The following SLC37A1 variants were observed in gnomAD, a reference collection of about 807,000 sequenced individuals.
SLC37A1 encodes solute carrier family 37 member 1.
SLC37A1 carries 49 observed loss-of-function variants against 75.3 expected under a neutral mutation model. The ratio of observed to expected loss-of-function variants is 0.65; its 90% CI spans 0.52 to 0.83. The LOEUF (loss-of-function observed/expected upper bound fraction) is 0.83. Ranked by LOEUF, SLC37A1 falls within the 40% of genes least tolerant of loss-of-function variation. SLC37A1 has a pLI of 0.00. For synonymous variants in SLC37A1, 268 were observed against 292.1 expected (o/e 0.92, Z 0.84); for missense variants, 566 against 695.0 (o/e 0.81, Z 2.09).
At position 42,535,516 on chromosome 21, in the gene SLC37A1, T is replaced by C. The variant is rs771940290; in HGVS notation, c.316T>C (p.Phe106Leu). 10 of 1,614,228 alleles carry C rather than the reference T, an allele frequency of 6.2e-6. No individual in the cohort carries two copies. Among genetic ancestry groups the C allele is most frequent in the South Asian group, 1.1e-5 (1 of 91,088 alleles). ...GCTGCTTGGGGCCCTGGACTACTCC[T>C]TCCTGTGCGCCTATGCCGTGGGGAT... is the stretch of plus-strand genomic sequence containing the variant. ...QQLLGALDYSFLCAYAVGMYL... is the reference protein window; with the variant it reads ...QQLLGALDYSLLCAYAVGMYL... Residue 106 changes from phenylalanine to leucine, a missense_variant, in exon 5 of 20, where the codon TTC (phenylalanine) becomes CTC (leucine). Physicochemically the swap from Phe to Leu is conservative, Grantham distance 22. Coordinates refer to ENST00000352133, the MANE Select transcript of SLC37A1 (RefSeq NM_001320537.2).
chr21:42,573,281 G>A (rs1007278921), intron 17 of SLC37A1, among the ~76,000 whole-genome samples: 2 of 152,278 alleles, frequency 1.3e-5, no homozygotes, highest in Middle Eastern at 3.4e-3. Flanking sequence ...CTCAACCCAT[G>A]CACCTTTTTT....
In SLC37A1 at chr21:42,563,895, T is replaced by C. The variant is rs2055900796; in HGVS notation, c.1135+18T>C. The C allele has an allele frequency of 6.2e-7, 1 of 1,613,988 alleles. No homozygotes were observed. Among genetic ancestry groups the C allele is most frequent in the East Asian group, 2.2e-5 (1 of 44,874 alleles). On this transcript the variant is annotated intron_variant, in intron 13 of 19. Transcript: ENST00000352133. Reference sequence around the variant, plus strand: ...AATCTTTGGTGAGTTCATTAAGACTTGTTCTGCTGCAACAATAATTTCGCA... The same window carrying C: ...AATCTTTGGTGAGTTCATTAAGACTCGTTCTGCTGCAACAATAATTTCGCA...
At chr21:42,564,888 C>A in intron 14 of SLC37A1, 95 bp downstream of exon 14, 2 of 1,215,646 alleles carry the variant, frequency 1.6e-6, no homozygotes, top group Non-Finnish European at 2.3e-6. Context: ...GCCCGTGCTC[C>A]ACTTTCCTGA....
chr21:42,517,359 G>C (rs1296845382), intron 1 of SLC37A1, among the ~76,000 whole-genome samples: 4 of 152,214 alleles, frequency 2.6e-5, no homozygotes, highest in Admixed American at 6.5e-5. Flanking sequence ...GGCCCTGTAG[G>C]ACCTAGGAGA....
At chr21:42,511,909 C>T (rs2054437041), upstream of SLC37A1, among the ~76,000 whole-genome samples, 1 of 151,990 alleles carries the variant, frequency 6.6e-6, no homozygotes, top group Non-Finnish European at 1.5e-5. Context: ...TTACCAGGGG[C>T]AGTAGGTGGG....
chr21:42,508,160 G>T (rs189950549), intron 2 of SLC37A1, among the ~76,000 whole-genome samples: 3 of 126,486 alleles, frequency 2.4e-5, no homozygotes, highest in African/African-American at 3.1e-5. Context: ...GCGGAGTCTC[G>T]CTCTGTTGCC....
intron 10 of SLC37A1, among the ~76,000 whole-genome samples, chr21:42,558,426 T>C (rs1203181653): frequency 6.6e-6 from 1 of 152,258 alleles, no homozygotes; most frequent in Non-Finnish European, 1.5e-5. Flanking sequence ...CACCACTCGC[T>C]GACAACCATT....
At chr21:42,568,574 A>C (rs1229426309) in intron 17 of SLC37A1, 136 bp downstream of exon 17, 1 of 828,828 alleles carries the variant, frequency 1.2e-6, no homozygotes, top group Non-Finnish European at 2.0e-6. Flanking sequence ...ATACGAGCAG[A>C]TGAGCAGGGG....
chr21:42,543,576 T>C lies in SLC37A1; in HGVS notation c.704T>C (p.Ile235Thr). The C allele has an allele frequency of 6.2e-7, 1 of 1,610,248 alleles. No individual in the cohort carries two copies. The highest frequency in any genetic ancestry group is 8.5e-7 in the Non-Finnish European group (1 of 1,177,956). ...VPGAIVAAMG[I>T]VCFLFLIEHP... ...GGAGCCATCGTGGCAGCCATGGGGATAGTGTGCTTTCTCTTCCTCATTGAA... is the reference window on the plus strand; with the variant it reads ...GGAGCCATCGTGGCAGCCATGGGGACAGTGTGCTTTCTCTTCCTCATTGAA... Residue 235 changes from isoleucine to threonine, a missense_variant, in exon 8 of 20, where the codon ATA (isoleucine) becomes ACA (threonine). Transcript: ENST00000352133.
At chr21:42,565,708 TC>T in intron 14 of SLC37A1, 118 bp from the exon 15 acceptor site, 1 of 876,584 alleles carries the variant, frequency 1.1e-6, no homozygotes. Flanking sequence ...TTTAGGGGTT[TC>T]CACTCTTGGG....
intron 17 of SLC37A1, among the ~76,000 whole-genome samples, chr21:42,573,067 G>A (rs2056224361): frequency 1.3e-5 from 2 of 152,274 alleles, no homozygotes; most frequent in African/African-American, 4.8e-5. Context: ...AAGCTTGGTG[G>A]AAGCTGGTGT....
Position 42,543,641 on chromosome 21 carries a change from G to A in SLC37A1, c.730+39G>A, listed in dbSNP as rs750655483. ...GCCTTGGAGACCACCCACCAAGGGA[G>A]GCCTCGGATTTCCCTGCCTGGGTGG... On this transcript the variant is annotated intron_variant, in intron 8 of 19. Coordinates refer to ENST00000352133, the MANE Select transcript of SLC37A1 (RefSeq NM_001320537.2). The A allele has an allele frequency of 1.5e-5, 23 of 1,544,854 alleles. No individual in the cohort carries two copies. The East Asian group carries it at 4.4e-4, about 29-fold the overall frequency.
chr21:42,572,695 T>TAAAAAAAAAAAAAAAAAAAAAA (rs1421400961), intron 17 of SLC37A1, among the ~76,000 whole-genome samples: 3 of 132,270 alleles, frequency 2.3e-5, no homozygotes, highest in Non-Finnish European at 4.9e-5. Flanking sequence ...AAAAAAAGAG[T>TAAAAAAAAAAAAAAAAAAAAAA]GTGTCCTGAG....
chr21:42,574,527 A>C (rs2056263910), intron 17 of SLC37A1, among the ~76,000 whole-genome samples: 1 of 152,184 alleles, frequency 6.6e-6, no homozygotes, highest in Admixed American at 6.5e-5. Context: ...CTGGTTGAGC[A>C]TCTCAAATCC....
At chr21:42,575,820 A>G in intron 18 of SLC37A1, 1 of 985,384 alleles carries the variant, frequency 1.0e-6, no homozygotes. Context: ...ACCGACTCTC[A>G]ACCTATGAAC....
chr21:42,554,975 GTTGGTTGT>G (rs1156533604), intron 10 of SLC37A1, among the ~76,000 whole-genome samples: 1 of 134,292 alleles, frequency 7.4e-6, no homozygotes, highest in Admixed American at 7.2e-5. Context: ...TGTTTGGTTG[GTTGGTTGT>G]TTTTTTTTTT....
At position 42,579,647 on chromosome 21, in the gene SLC37A1, C is replaced by T. The variant is rs1230832459; in HGVS notation, c.1522-89C>T. 4 of 1,298,626 alleles carry T rather than the reference C, an allele frequency of 3.1e-6. No homozygotes were observed. The East Asian group carries it at 7.6e-5, about 25-fold the overall frequency. The allele number at this position is 1,298,626 out of a possible 1,614,324, so 80.4% of individuals were successfully genotyped here. A position where few individuals can be genotyped will look rare whatever the true frequency, so the allele number is the denominator to read the frequency against. ...TGGGGAGAGAGCCACCCGCCCAGGC[C>T]TTGCGGGCCAGGTCCTCATGGTGCC... On this transcript the variant is annotated intron_variant, in intron 18 of 19. Transcript: ENST00000352133.
chr21:42,539,518 C>T lies in SLC37A1; in HGVS notation c.357C>T (p.Ile119=). The T allele has an allele frequency of 6.2e-7, 1 of 1,612,382 alleles. No homozygotes were observed. The change falls in exon 6 of 20, where the codon ATC becomes ATT. Residue 119 remains isoleucine, a synonymous_variant. Transcript: ENST00000352133. ...AYAVGMYLSG[I]IGERLPIRYY... ...TTCCTTCTCTCCACCTCAGTGGCAT[C>T]ATTGGGGAGCGCCTGCCGATTAGGT...
At chr21:42,525,382 C>G (rs1189326673) in intron 2 of SLC37A1, among the ~76,000 whole-genome samples, 1 of 152,194 alleles carries the variant, frequency 6.6e-6, no homozygotes, top group Non-Finnish European at 1.5e-5. Flanking sequence ...CGGAGCCCCG[C>G]CCTGTGGGGG....
Sources: allele counts gnomAD v4.1 joint callset (sites outside exome capture counted in the v4.1 genomes callset), GRCh38; gene constraint gnomAD v4.1.1; transcripts MANE v1.5; gene names NCBI Gene and HGNC (gene_info 2026-07-23, HGNC 2026-07-21).